Variants in VANGL2 observed in about 807,000 individuals in gnomAD.
VANGL2 encodes the protein vang-like protein 2.
VANGL2 carries 14 observed loss-of-function variants against 50.2 expected under a neutral mutation model. That is an observed-to-expected ratio of 0.28 (90% confidence interval 0.18 to 0.44). The LOEUF (loss-of-function observed/expected upper bound fraction) is 0.44. Ranked by LOEUF, VANGL2 falls within the 20% of genes least tolerant of loss-of-function variation. The pLI is 1.00. For synonymous variants in VANGL2, 295 were observed against 297.2 expected (o/e 0.99, Z 0.08); for missense variants, 533 against 701.5 (o/e 0.76, Z 2.71).
At chr1:160,411,592 T>C (rs1650881995) in intron 1 of VANGL2, among the ~76,000 whole-genome samples, 1 of 151,998 alleles carries the variant, frequency 6.6e-6, no homozygotes, top group South Asian at 2.1e-4. Context: ...GTCTCAGAAG[T>C]CGGGTTCATT....
intron 6 of VANGL2, among the ~76,000 whole-genome samples, chr1:160,421,443 A>G (rs1424148968): frequency 6.6e-6 from 1 of 152,192 alleles, no homozygotes; most frequent in Non-Finnish European, 1.5e-5. Context: ...ACAGGCTGAA[A>G]TCAAGAGGAC....
Position 160,425,435 on chromosome 1 carries a change from G to T in VANGL2, c.*57G>T. On this transcript the variant is annotated 3_prime_UTR_variant, in exon 8 of 8. Coordinates refer to ENST00000368061, the MANE Select transcript of VANGL2 (RefSeq NM_020335.3). The stretch of plus-strand genomic sequence containing the variant: ...GGGGGGTCCTGAGGGGGTGGGAGGG[G>T]GCTTGGTTCTCAGGCCCAGCCACAT... 2.8e-6 allele frequency: 3 copies of T among 1,058,556 alleles called. No homozygotes were observed. The highest frequency in any genetic ancestry group is 1.7e-5 in the South Asian group (1 of 59,788). The allele number at this position is 1,058,556 out of a possible 1,614,324, so 65.6% of individuals were successfully genotyped here. A position where few individuals can be genotyped will look rare whatever the true frequency, so the allele number is the denominator to read the frequency against.
chr1:160,425,147 A>G lies in VANGL2; in HGVS notation c.1335A>G (p.Gly445=). 1.2e-6 allele frequency: 2 copies of G among 1,613,842 alleles called. No homozygotes were observed. The highest frequency in any genetic ancestry group is 1.7e-6 in the Non-Finnish European group (2 of 1,179,920). The part of the protein sequence containing the change: ...KAFLERYLAA[G]PTIQYHKERW... The stretch of plus-strand genomic sequence containing the variant: ...TCTTGGAGCGATACTTGGCGGCTGG[A>G]CCTACCATCCAGTACCACAAGGAAC... The change falls in exon 8 of 8, where the codon GGA becomes GGG. Residue 445 remains glycine (G), a synonymous_variant. Coordinates refer to ENST00000368061, the MANE Select transcript of VANGL2 (RefSeq NM_020335.3).
At chr1:160,410,683 C>T (rs981074416) in intron 1 of VANGL2, among the ~76,000 whole-genome samples, 1 of 140,610 alleles carries the variant, frequency 7.1e-6, no homozygotes, top group Non-Finnish European at 1.6e-5. Context: ...TATACACACA[C>T]ACACACACAC....
intron 6 of VANGL2, 95 bp from the exon 7 acceptor site, chr1:160,423,957 C>T (rs1651358545): frequency 1.4e-6 from 2 of 1,383,196 alleles, no homozygotes; most frequent in Admixed American, 1.7e-5. Flanking sequence ...AAGGCCTGAC[C>T]TCATTCAGGC....
At chr1:160,406,042 A>G (rs1240843434) in intron 1 of VANGL2, among the ~76,000 whole-genome samples, 1 of 152,166 alleles carries the variant, frequency 6.6e-6, no homozygotes, top group Non-Finnish European at 1.5e-5. Context: ...TTAAGCATCT[A>G]TTGTGTGCCA....
At chr1:160,424,762 C>A (rs1257479130) in intron 7 of VANGL2, among the ~76,000 whole-genome samples, 2 of 152,126 alleles carry the variant, frequency 1.3e-5, no homozygotes, top group African/African-American at 4.8e-5. Context: ...CTGGTGCAGA[C>A]CTGCTTGGCA....
intron 1 of VANGL2, among the ~76,000 whole-genome samples, chr1:160,405,361 C>G (rs1650617507): frequency 6.6e-6 from 1 of 152,126 alleles, no homozygotes; most frequent in African/African-American, 2.4e-5. Context: ...GGGCAGCCCT[C>G]TCTCACCTTC....
intron 1 of VANGL2, among the ~76,000 whole-genome samples, chr1:160,411,451 A>T (rs1386643031): frequency 6.6e-6 from 1 of 151,548 alleles, no homozygotes; most frequent in Non-Finnish European, 1.5e-5. Flanking sequence ...CAAACCCCTG[A>T]TCCCTGAGAC....
At position 160,415,776 on chromosome 1, in the gene VANGL2, G is replaced by T; in HGVS notation, c.-62G>T. On this transcript the variant is annotated 5_prime_UTR_variant, in exon 2 of 8. Transcript: ENST00000368061. ...CCGGTGCTGAAGGAGGTGGCTGTGG[G>T]GCCCCCCAAGAGGCCCCAGCCTGCG... The T allele has an allele frequency of 1.3e-6, 2 of 1,577,914 alleles. No individual in the cohort carries two copies. The highest frequency in any genetic ancestry group is 1.7e-6 in the Non-Finnish European group (2 of 1,162,090).
rs572362079 is a variant in VANGL2, at chr1:160,424,265, G to C, written c.1287G>C (p.Thr429=). ...SILQHLEFCI[T]HDMTPKAFLE... is the part of the protein sequence containing the mutation. ...TGCAGCACCTTGAATTCTGCATCAC[G>C]CATGACATGACGCCCAAGGTAGGCC... The change falls in exon 7 of 8, where the codon ACG becomes ACC. Residue 429 remains threonine (T), a synonymous_variant. Coordinates refer to ENST00000368061, the MANE Select transcript of VANGL2 (RefSeq NM_020335.3). The C allele has an allele frequency of 6.2e-7, 1 of 1,613,992 alleles. No individual in the cohort carries two copies. Among genetic ancestry groups the C allele is most frequent in the African/African-American group, 1.3e-5 (1 of 74,902 alleles).
rs1215723223 is a variant in VANGL2, at chr1:160,419,885, C to T, written c.800+276C>T. On this transcript the variant is annotated intron_variant, in intron 4 of 7. Transcript: ENST00000368061. This position sits in a 1 kb window ranked among gnomAD's most constrained non-coding sequence, Gnocchi z 5.8. ...GTAGGGAATATTAGAGGGGGATGGA[C>T]CAAAGGGAAGAAATATGGGGGGGTG... is the stretch of plus-strand genomic sequence containing the variant. Among the ~76,000 whole-genome samples the T allele has an allele frequency of 7.2e-6, 1 of 139,648 alleles. No individual in the cohort carries two copies. Among genetic ancestry groups the T allele is most frequent in the Non-Finnish European group, 1.5e-5 (1 of 65,828 alleles). The allele number at this position is 139,648 out of a possible 152,430, so 91.6% of individuals were successfully genotyped here.
chr1:160,411,056 A>C (rs565917773), intron 1 of VANGL2, among the ~76,000 whole-genome samples: 1 of 149,816 alleles, frequency 6.7e-6, no homozygotes, highest in Non-Finnish European at 1.5e-5. Flanking sequence ...CCTTGGGATG[A>C]TACTGAGACA....
chr1:160,414,703 T>C (rs1407605595), intron 1 of VANGL2, among the ~76,000 whole-genome samples: 2 of 151,964 alleles, frequency 1.3e-5, no homozygotes, highest in African/African-American at 2.4e-5. Context: ...GATGCGTCAA[T>C]GACTGAAGAT....
intron 1 of VANGL2, among the ~76,000 whole-genome samples, chr1:160,402,155 G>C (rs954029398): frequency 1.3e-5 from 2 of 152,094 alleles, no homozygotes; most frequent in Non-Finnish European, 2.9e-5. Context: ...CTGGAAGAGG[G>C]CGTGTGTTGT....
Position 160,419,223 on chromosome 1 carries a change from G to A in VANGL2, c.414G>A (p.Leu138=). 6.2e-6 allele frequency: 10 copies of A among 1,610,888 alleles called. No homozygotes were observed. The highest frequency in any genetic ancestry group is 8.5e-6 in the Non-Finnish European group (10 of 1,179,940). ...LLPPLLWREE[L]EPCGTACEGL... The stretch of plus-strand genomic sequence containing the variant: ...CCCCACTGCTGTGGCGGGAGGAGCT[G>A]GAGCCTTGCGGGACGGCCTGCGAGG... The change falls in exon 4 of 8, where the codon CTG becomes CTA. Residue 138 remains leucine, a synonymous_variant. Transcript: ENST00000368061. This position sits in a 1 kb window ranked among gnomAD's most constrained non-coding sequence, Gnocchi z 5.8.
Position 160,427,948 on chromosome 1 carries a change from G to T in VANGL2, c.*2570G>T. On this transcript the variant is annotated 3_prime_UTR_variant, in exon 8 of 8. Transcript: ENST00000368061. ...GCCTTTCCTCCCTCCACAACAGGAC[G>T]CTGTGCCTCAGTCCTTCACCTACCT... 6.5e-6 allele frequency: 1 copy of T among 152,800 alleles called. No individual in the cohort carries two copies. The highest frequency in any genetic ancestry group is 1.5e-5 in the Non-Finnish European group (1 of 68,126). The allele number at this position is 152,800 out of a possible 1,614,324, so 9.5% of individuals were successfully genotyped here.
chr1:160,414,075 A>G (rs1027814145), intron 1 of VANGL2, among the ~76,000 whole-genome samples: 1 of 152,200 alleles, frequency 6.6e-6, no homozygotes, highest in African/African-American at 2.4e-5. Flanking sequence ...AGTCTCAAAC[A>G]TGACTGTTAC....
chr1:160,409,614 G>A (rs1650806968), intron 1 of VANGL2, among the ~76,000 whole-genome samples: 1 of 152,190 alleles, frequency 6.6e-6, no homozygotes, highest in African/African-American at 2.4e-5. Context: ...CGCTGCCTGG[G>A]TTGAGCACAT....
Sources: gnomAD v4.1 joint callset for allele counts (sites outside exome capture counted in the v4.1 genomes callset) on GRCh38, gnomAD v4.1.1 for gene constraint, Gnocchi (gnomAD v3.1) non-coding constraint, MANE v1.5 for transcripts, NCBI Gene and HGNC (gene_info 2026-07-23, HGNC 2026-07-21) for gene names.